The following RAB11FIP3 variants were observed in gnomAD, a reference collection of about 807,000 sequenced individuals.
RAB11FIP3 encodes RAB11 family interacting protein 3.
Under a neutral mutation model 77.8 loss-of-function variants are expected in RAB11FIP3, and 17 were observed. That is an observed-to-expected ratio of 0.22 (90% CI 0.15 to 0.33). The LOEUF (loss-of-function observed/expected upper bound fraction) is 0.33, where lower values mean the gene tolerates loss of function less well. Among genes scored for constraint, RAB11FIP3 ranks in the 10% least tolerant of loss-of-function variants. The probability of loss-of-function intolerance (pLI) is 1.00; values close to 1 mark genes in which losing one functional copy is unlikely to be tolerated. For missense variants in RAB11FIP3, 1,005 were observed against 1,011.2 expected (o/e 0.99, Z 0.08); for synonymous variants, 437 against 448.2 (o/e 0.98, Z 0.31).
At chr16:453,726 G>T (rs1423223225) in intron 1 of RAB11FIP3, among the ~76,000 whole-genome samples, 1 of 151,920 alleles carries the variant, frequency 6.6e-6, no homozygotes, top group East Asian at 1.9e-4. Flanking sequence ...CAGTAGCTGG[G>T]ATTACAGGCG....
intron 7 of RAB11FIP3, among the ~76,000 whole-genome samples, chr16:504,036 TACCTCCTGTACCCCCTCAC>T (rs2031685057): frequency 7.5e-4 from 1 of 1,340 alleles, no homozygotes; most frequent in East Asian, 0.019. Context: ...ACCCCCTCAC[TACCTCCTGTACCCCCTCAC>T]CTCCTCCTGT....
rs2031893931 is a variant in RAB11FIP3, at chr16:506,729, C to T, written c.1499+1102C>T. 6.6e-6 allele frequency among the ~76,000 whole-genome samples: 1 copy of T among 152,218 alleles called. No individual in the cohort carries two copies. Among genetic ancestry groups the T allele is most frequent in the Admixed American group, 6.5e-5 (1 of 15,286 alleles). On this transcript the variant is annotated intron_variant, in intron 8 of 13. Coordinates refer to ENST00000262305, the MANE Select transcript of RAB11FIP3 (RefSeq NM_014700.4). The surrounding 1 kb of genome is among the most constrained non-coding windows in gnomAD (Gnocchi z 4.5). Reference sequence around the variant, plus strand: ...GCATAACTTGCACATCATTTTAATTCTAACAAAGCAAAGCATGTGCTCTTG... The same window carrying T: ...GCATAACTTGCACATCATTTTAATTTTAACAAAGCAAAGCATGTGCTCTTG...
intron 2 of RAB11FIP3, among the ~76,000 whole-genome samples, chr16:465,208 G>C (rs532706421): frequency 1.7e-4 from 26 of 152,166 alleles, no homozygotes; most frequent in Middle Eastern, 3.4e-3. Flanking sequence ...AGAATTACTG[G>C]ATGCAGGCTT....
Position 518,900 on chromosome 16 carries a change from CG to C in RAB11FIP3, c.1641-42del, listed in dbSNP as rs780643350. ...ACAGGGCACACTGGCCCTGTAGAGG[CG>C]AGCTTCCTGGAGTGAGTTTCAGCTT... On this transcript the variant is annotated intron_variant, in intron 9 of 13. Coordinates refer to ENST00000262305, the MANE Select transcript of RAB11FIP3 (RefSeq NM_014700.4). The C allele has an allele frequency of 3.7e-6, 6 of 1,603,118 alleles. No homozygotes were observed. In the South Asian group the frequency reaches 4.4e-5, roughly 12 times the overall value.
At chr16:476,285 C>T (rs2055906168) in intron 3 of RAB11FIP3, among the ~76,000 whole-genome samples, 1 of 152,188 alleles carries the variant, frequency 6.6e-6, no homozygotes, top group African/African-American at 2.4e-5. Flanking sequence ...CTCATTGTTC[C>T]TGTGTCCGTG....
chr16:444,923 G>A (rs1421439714), intron 1 of RAB11FIP3, among the ~76,000 whole-genome samples: 1 of 151,596 alleles, frequency 6.6e-6, no homozygotes, highest in Non-Finnish European at 1.5e-5. Flanking sequence ...GCCCATGCTG[G>A]CTAACATGGT....
chr16:428,629 G>T (rs1365169247), intron 1 of RAB11FIP3, among the ~76,000 whole-genome samples: 1 of 152,092 alleles, frequency 6.6e-6, no homozygotes, highest in Non-Finnish European at 1.5e-5. Context: ...AGAAAGGTCA[G>T]ATAGCTCTCC....
chr16:499,310 G>A (rs4984886), intron 6 of RAB11FIP3, among the ~76,000 whole-genome samples: 152,107 of 152,336 alleles, frequency 1, 75,939 homozygotes, highest in East Asian at 1. Context: ...CTTCCTCCCC[G>A]CTTCATCAAG....
chr16:463,316 T>A (rs925298043), intron 2 of RAB11FIP3, among the ~76,000 whole-genome samples: 2 of 152,044 alleles, frequency 1.3e-5, no homozygotes, highest in African/African-American at 4.8e-5. Context: ...GACCTCGACC[T>A]CAGGTCTTGT....
intron 1 of RAB11FIP3, among the ~76,000 whole-genome samples, chr16:434,915 C>G (rs115772689): frequency 0.026 from 3,997 of 151,848 alleles, 191 homozygotes; most frequent in African/African-American, 0.09. Flanking sequence ...ACTAAAAATA[C>G]AAGAATTAGA....
rs1431480632 is a variant in RAB11FIP3, at chr16:521,557, GTA to G, written c.*719_*720del. 1 of 152,794 alleles carries G rather than the reference GTA, an allele frequency of 6.5e-6. No homozygotes were observed. The highest frequency in any genetic ancestry group is 1.9e-4 in the East Asian group (1 of 5,188). The allele number at this position is 152,794 out of a possible 1,614,324, so 9.5% of individuals were successfully genotyped here. The stretch of plus-strand genomic sequence containing the variant: ...TTCCCACGGCCCAGTCCTCGCTGCA[GTA>G]ACCCCTGGGGGCTCTGACCACCTAT... On this transcript the variant is annotated 3_prime_UTR_variant, in exon 14 of 14. Transcript: ENST00000262305.
At chr16:520,360 C>G in intron 12 of RAB11FIP3, 83 bp downstream of exon 12, 1 of 1,581,858 alleles carries the variant, frequency 6.3e-7, no homozygotes, top group Non-Finnish European at 8.6e-7. Flanking sequence ...CGTGGAGGGT[C>G]AGCATCTGAG....
chr16:512,615 C>T (rs2032238684), intron 9 of RAB11FIP3, among the ~76,000 whole-genome samples: 1 of 145,868 alleles, frequency 6.9e-6, no homozygotes, highest in South Asian at 2.3e-4. Context: ...GCGATCTTGG[C>T]TCACCACAAC....
rs564487845 is a variant in RAB11FIP3, at chr16:465,466, T to C, written c.808+3969T>C. Among the ~76,000 whole-genome samples, 169 of 152,220 alleles carry C rather than the reference T, an allele frequency of 1.1e-3. 1 individual carries two copies. The highest frequency in any genetic ancestry group is 0.01 in the Middle Eastern group (3 of 294). ...GTAACTGAAGATGGCGATGTAACCA[T>C]TTTGGAAGATTGGAGGAGGGAAAAT... On this transcript the variant is annotated intron_variant, in intron 2 of 13. Coordinates refer to ENST00000262305, the MANE Select transcript of RAB11FIP3 (RefSeq NM_014700.4).
At chr16:433,998 G>A (rs2055085608) in intron 1 of RAB11FIP3, among the ~76,000 whole-genome samples, 1 of 152,160 alleles carries the variant, frequency 6.6e-6, no homozygotes, top group South Asian at 2.1e-4. Context: ...AGGCATCCCT[G>A]TGGTATATGG....
chr16:518,735 T>A (rs550431848), intron 9 of RAB11FIP3, among the ~76,000 whole-genome samples: 19 of 150,816 alleles, frequency 1.3e-4, no homozygotes, highest in Non-Finnish European at 2.4e-4. Context: ...AAGAAAAAAA[T>A]AAAAAAATAA....
chr16:498,476 T>C (rs1216637604), intron 6 of RAB11FIP3, among the ~76,000 whole-genome samples: 1 of 152,042 alleles, frequency 6.6e-6, no homozygotes, highest in African/African-American at 2.4e-5. Flanking sequence ...CACCTGGCCA[T>C]GGATGAAAAC....
In RAB11FIP3 at chr16:492,362, T is replaced by TCCCGGGAGACCCGAGGCCGCCCAGAGCCC. The variant is rs2030354690; in HGVS notation, c.1265+3362_1265+3363insCCCGGGAGACCCGAGGCCGCCCAGAGCCC. Among the ~76,000 whole-genome samples, 88 of 63,626 alleles carry TCCCGGGAGACCCGAGGCCGCCCAGAGCCC rather than the reference T, an allele frequency of 1.4e-3. 6 individuals carry two copies. The highest frequency in any genetic ancestry group is 8.2e-3 in the Middle Eastern group (1 of 122). The allele number at this position is 63,626 out of a possible 152,430, so 41.7% of individuals were successfully genotyped here. A position where few individuals can be genotyped will look rare whatever the true frequency, so the allele number is the denominator to read the frequency against. ...GCAGAAGTGCTCTTTGAAGAGGGTC[T>TCCCGGGAGACCCGAGGCCGCCCAGAGCCC]TCCCGGGAGACCCGAGGCCGCCCAG... is the stretch of plus-strand genomic sequence containing the variant. On this transcript the variant is annotated intron_variant, in intron 5 of 13. Coordinates refer to ENST00000262305, the MANE Select transcript of RAB11FIP3 (RefSeq NM_014700.4).
chr16:500,378 A>G (rs1161562057), intron 6 of RAB11FIP3, among the ~76,000 whole-genome samples: 1 of 152,004 alleles, frequency 6.6e-6, no homozygotes, highest in African/African-American at 2.4e-5. Context: ...CCCTCTTTCT[A>G]GGGGATTTAA....
Sources: gnomAD v4.1 joint callset for allele counts (sites outside exome capture counted in the v4.1 genomes callset) on GRCh38, gnomAD v4.1.1 for gene constraint, Gnocchi (gnomAD v3.1) non-coding constraint, MANE v1.5 for transcripts, NCBI Gene and HGNC (gene_info 2026-07-23, HGNC 2026-07-21) for gene names.